FAM124A: variants seen among roughly 807,000 people sequenced by gnomAD.
The protein encoded by FAM124A is family with sequence similarity 124 member A.
FAM124A carries 23 observed loss-of-function variants against 24.5 expected under a neutral mutation model. The ratio of observed to expected loss-of-function variants is 0.94; its 90% CI spans 0.68 to 1.33. The LOEUF (loss-of-function observed/expected upper bound fraction) is 1.33. Among genes scored for constraint, FAM124A ranks in the 40% most tolerant of loss-of-function variants. FAM124A has a pLI of 0.00. For missense variants in FAM124A, 623 were observed against 722.8 expected (o/e 0.86, Z 1.58); for synonymous variants, 287 against 314.7 (o/e 0.91, Z 0.93).
chr13:51,222,427 G>T lies in FAM124A; in HGVS notation c.-75G>T. ...GCTCGGAGGGAGCCCGGCCGGCTCG[G>T]ACTGGGCGGCCGGGAGGGAGGGCGC... is the stretch of plus-strand genomic sequence containing the variant. On this transcript the variant is annotated 5_prime_UTR_variant, in exon 1 of 4. Coordinates refer to ENST00000322475, the MANE Select transcript of FAM124A (RefSeq NM_001242312.2). The T allele has an allele frequency of 8.7e-7, 1 of 1,152,626 alleles. No individual in the cohort carries two copies. Among genetic ancestry groups the T allele is most frequent in the Non-Finnish European group, 1.1e-6 (1 of 932,864 alleles). The allele number at this position is 1,152,626 out of a possible 1,614,324, so 71.4% of individuals were successfully genotyped here.
intron 2 of FAM124A, 90 bp downstream of exon 2, chr13:51,231,469 G>T: frequency 7.3e-7 from 1 of 1,375,840 alleles, no homozygotes. Flanking sequence ...TGGTTTTATA[G>T]TAGGTAAGAA....
At chr13:51,230,366 G>A (rs1046655652) in intron 1 of FAM124A, among the ~76,000 whole-genome samples, 4 of 152,164 alleles carry the variant, frequency 2.6e-5, no homozygotes, top group Non-Finnish European at 5.9e-5. Flanking sequence ...TCAATGGAGT[G>A]AAAATTGGAT....
intron 3 of FAM124A, among the ~76,000 whole-genome samples, chr13:51,270,084 G>A (rs895030322): frequency 2.6e-5 from 4 of 152,162 alleles, no homozygotes; most frequent in African/African-American, 7.2e-5. Context: ...TGCGGACATG[G>A]GGTTCTGGCC....
intron 3 of FAM124A, among the ~76,000 whole-genome samples, chr13:51,276,037 G>T (rs1275271552): frequency 6.6e-6 from 1 of 152,204 alleles, no homozygotes; most frequent in African/African-American, 2.4e-5. Flanking sequence ...ACGAGCATGA[G>T]GTGTTTGGGA....
intron 2 of FAM124A, among the ~76,000 whole-genome samples, chr13:51,250,894 C>T (rs1311866163): frequency 6.6e-6 from 1 of 152,238 alleles, no homozygotes; most frequent in East Asian, 1.9e-4. Context: ...AGGGGGCAAG[C>T]ACAGGTCTCT....
chr13:51,256,374 A>G (rs181247821), intron 3 of FAM124A, among the ~76,000 whole-genome samples: 38 of 152,346 alleles, frequency 2.5e-4, no homozygotes, highest in Admixed American at 2.0e-3. Flanking sequence ...GAAGGTAGAA[A>G]GAGAAAAGAG....
Position 51,252,009 on chromosome 13 carries a change from G to A in FAM124A, c.642G>A (p.Leu214=). 1.9e-6 allele frequency: 3 copies of A among 1,614,210 alleles called. No individual in the cohort carries two copies. The highest frequency in any genetic ancestry group is 1.1e-5 in the South Asian group (1 of 91,084). ...DFCIFPIFSN[L]DVDIQFSLKR... is the part of the protein sequence containing the mutation. ...GCATCTTCCCTATTTTTTCCAACCTGGATGTGGACATCCAGTTCTCCCTGA... is the reference window on the plus strand; with the variant it reads ...GCATCTTCCCTATTTTTTCCAACCTAGATGTGGACATCCAGTTCTCCCTGA... The change falls in exon 3 of 4, where the codon CTG becomes CTA. Residue 214 remains leucine, a synonymous_variant. Coordinates refer to ENST00000322475, the MANE Select transcript of FAM124A (RefSeq NM_001242312.2).
At position 51,231,355 on chromosome 13, in the gene FAM124A, T is replaced by C. The variant is rs1437854993; in HGVS notation, c.76T>C (p.Tyr26His). 1 of 1,613,734 alleles carries C rather than the reference T, an allele frequency of 6.2e-7. No homozygotes were observed. The highest frequency in any genetic ancestry group is 8.5e-7 in the Non-Finnish European group (1 of 1,179,956). Reference sequence around the variant, plus strand: ...TGAGGTCTTGTGTTTCAGGTCCGACTACAGCCACCTGTCCTCCACGAGCAG... The same window carrying C: ...TGAGGTCTTGTGTTTCAGGTCCGACCACAGCCACCTGTCCTCCACGAGCAG... ...DSGAETGGSD[Y>H]SHLSSTSSEL... The change falls in exon 2 of 4, where the codon TAC becomes CAC. Residue 26 changes from tyrosine to histidine, a missense_variant. By Grantham distance (83) the Tyr-to-His change is moderately conservative (BLOSUM62 2). Transcript: ENST00000322475.
At chr13:51,231,549 G>A (rs1226493608) in intron 2 of FAM124A, among the ~76,000 whole-genome samples, 170 bp downstream of exon 2, 3 of 152,186 alleles carry the variant, frequency 2.0e-5, no homozygotes, top group Non-Finnish European at 4.4e-5. Flanking sequence ...GCTTTTCCTG[G>A]AGAATCTGAT....
chr13:51,274,893 A>T (rs1261505739), intron 3 of FAM124A, among the ~76,000 whole-genome samples: 1 of 152,190 alleles, frequency 6.6e-6, no homozygotes. Flanking sequence ...AGTTCCTCTA[A>T]ATATATCAAT....
In FAM124A at chr13:51,280,732, C is replaced by T. The variant is rs372660224; in HGVS notation, c.1117C>T (p.Leu373=). The T allele has an allele frequency of 1.4e-5, 23 of 1,614,120 alleles. No individual in the cohort carries two copies. The highest frequency in any genetic ancestry group is 1.9e-5 in the Non-Finnish European group (23 of 1,180,056). Residue 373 remains leucine, a synonymous_variant, in exon 4 of 4, where the codon CTG becomes TTG. Coordinates refer to ENST00000322475, the MANE Select transcript of FAM124A (RefSeq NM_001242312.2). ...LFCLPTGGPS[L]ASSAEPQWFS... ...TTGTTTGCCCACGGGAGGCCCCTCC[C>T]TGGCCTCCTCAGCTGAACCACAGTG...
intron 2 of FAM124A, among the ~76,000 whole-genome samples, chr13:51,245,079 G>GCTAT (rs1436358027): frequency 1.3e-5 from 2 of 152,200 alleles, no homozygotes; most frequent in Non-Finnish European, 2.9e-5. Flanking sequence ...AAAGAGAAAG[G>GCTAT]CTATCTCCTG....
chr13:51,276,963 G>A (rs1954890743), intron 3 of FAM124A, among the ~76,000 whole-genome samples: 1 of 152,124 alleles, frequency 6.6e-6, no homozygotes, highest in African/African-American at 2.4e-5. Context: ...TCCTGGGGGA[G>A]GGGCAGAATC....
At chr13:51,233,270 G>T (rs375959239) in intron 2 of FAM124A, among the ~76,000 whole-genome samples, 1 of 152,054 alleles carries the variant, frequency 6.6e-6, no homozygotes, top group East Asian at 1.9e-4. Flanking sequence ...TTGTCTCAGA[G>T]TTATAACATG....
chr13:51,283,002 A>C lies in FAM124A; in HGVS notation c.*1746A>C, dbSNP rs1315336528. ...CTGTAGTATGAAAGCAGCCATGAGT[A>C]ATATGTTAATGAATGGGAATGGCTG... On this transcript the variant is annotated 3_prime_UTR_variant, in exon 4 of 4. Coordinates refer to ENST00000322475, the MANE Select transcript of FAM124A (RefSeq NM_001242312.2). 1 of 152,164 alleles carries C rather than the reference A, an allele frequency of 6.6e-6. No individual in the cohort carries two copies. Among genetic ancestry groups the C allele is most frequent in the African/African-American group, 2.4e-5 (1 of 41,436 alleles). The allele number at this position is 152,164 out of a possible 1,614,324, so 9.4% of individuals were successfully genotyped here.
intron 2 of FAM124A, among the ~76,000 whole-genome samples, chr13:51,234,902 C>T (rs1365515152): frequency 6.6e-6 from 1 of 152,074 alleles, no homozygotes; most frequent in Non-Finnish European, 1.5e-5. Context: ...TTTTTGTGCC[C>T]CTCCCCTCAC....
chr13:51,241,677 C>T (rs181023212), intron 2 of FAM124A, among the ~76,000 whole-genome samples: 12 of 151,864 alleles, frequency 7.9e-5, no homozygotes, highest in South Asian at 2.1e-4. Context: ...AAACAAGTAC[C>T]GGAGACTTGT....
rs1954699216 is a variant in FAM124A, at chr13:51,258,599, T to C, written c.834+6398T>C. ...AAGCTAGCAAAGCATTGCAGTGCTG[T>C]GGCTTCAAAACTCATCCAGGGCAGC... On this transcript the variant is annotated intron_variant, in intron 3 of 3. Transcript: ENST00000322475. The surrounding 1 kb of genome is among the most constrained non-coding windows in gnomAD (Gnocchi z 4.2). Among the ~76,000 whole-genome samples the C allele has an allele frequency of 6.6e-6, 1 of 152,212 alleles. No individual in the cohort carries two copies. Among genetic ancestry groups the C allele is most frequent in the African/African-American group, 2.4e-5 (1 of 41,462 alleles).
chr13:51,241,755 T>A (rs1483400555), intron 2 of FAM124A, among the ~76,000 whole-genome samples: 4 of 146,288 alleles, frequency 2.7e-5, no homozygotes, highest in African/African-American at 9.9e-5. Flanking sequence ...AAAAAAAAAA[T>A]GAGTCCCCAG....
Sources: gnomAD v4.1 joint callset for allele counts (sites outside exome capture counted in the v4.1 genomes callset) on GRCh38, gnomAD v4.1.1 for gene constraint, Gnocchi (gnomAD v3.1) non-coding constraint, MANE v1.5 for transcripts, NCBI Gene and HGNC (gene_info 2026-07-23, HGNC 2026-07-21) for gene names.